Variants in OR10Z1 observed in about 807,000 individuals in gnomAD.
The protein encoded by OR10Z1 is olfactory receptor family 10 subfamily Z member 1, also known as olfactory receptor 10Z1.
For synonymous variants in OR10Z1, 187 were observed against 151.2 expected, an observed-to-expected ratio of 1.24 and a Z score of -1.74; for missense variants, 468 against 371.0, an observed-to-expected ratio of 1.26 and a Z score of -2.15.
In OR10Z1 at chr1:158,607,751, C is replaced by T. The variant is rs1303721548; in HGVS notation, c.*371C>T. On this transcript the variant is annotated 3_prime_UTR_variant, in exon 2 of 2. Coordinates refer to ENST00000641002, the MANE Select transcript of OR10Z1 (RefSeq NM_001004478.2). ...GTGTTCAAGTTCAAGGCAGGGCTGG[C>T]TGGAGCCCATCAGGGATACTGTAGA... The T allele has an allele frequency of 5.5e-6, 1 of 180,712 alleles. No homozygotes were observed. Among genetic ancestry groups the T allele is most frequent in the African/African-American group, 2.4e-5 (1 of 42,208 alleles). The allele number at this position is 180,712 out of a possible 1,614,324, so 11.2% of individuals were successfully genotyped here.
In OR10Z1 at chr1:158,606,919, CTAGT is replaced by C; in HGVS notation, c.484_487del (p.Val162PhefsTer23). 1 of 1,614,014 alleles carries C rather than the reference CTAGT, an allele frequency of 6.2e-7. No individual in the cohort carries two copies. Among genetic ancestry groups the C allele is most frequent in the South Asian group, 1.1e-5 (1 of 91,074 alleles). ...ATACCTCTTTGGACTGGGAATGACA[CTAGT>C]TATTTTCCACCTCTCATTCTGCAGC... On this transcript the variant is annotated frameshift_variant, in exon 2 of 2. Coordinates refer to ENST00000641002, the MANE Select transcript of OR10Z1 (RefSeq NM_001004478.2). LOFTEE classifies it low-confidence loss of function (END_TRUNC).
In OR10Z1 at chr1:158,606,811, G is replaced by T. The variant is rs1290728120; in HGVS notation, c.373G>T (p.Ala125Ser). The change falls in exon 2 of 2, where the codon GCC (alanine) becomes TCC (serine). Residue 125 changes from alanine (A) to serine (S), a missense_variant. Ala to Ser is a moderately conservative substitution (Grantham distance 99). Coordinates refer to ENST00000641002, the MANE Select transcript of OR10Z1 (RefSeq NM_001004478.2). ...TGCCATGGGCTTTGACAGATATGTG[G>T]CCATCTGTGCTCCACTCCACTATGC... is the stretch of plus-strand genomic sequence containing the variant. ...LAAMGFDRYV[A>S]ICAPLHYASH... The T allele has an allele frequency of 6.2e-7, 1 of 1,613,938 alleles. No individual in the cohort carries two copies. Among genetic ancestry groups the T allele is most frequent in the Non-Finnish European group, 8.5e-7 (1 of 1,179,956 alleles).
At position 158,612,367 on chromosome 1, in the gene OR10Z1, T is replaced by C. The variant is rs1196833098; in HGVS notation, c.*4987T>C. The C allele has an allele frequency of 4.5e-6, 1 of 222,572 alleles. No individual in the cohort carries two copies. Among genetic ancestry groups the C allele is most frequent in the Non-Finnish European group, 9.0e-6 (1 of 111,286 alleles). 13.8% of individuals were successfully genotyped at this position (222,572 alleles called of 1,614,324 possible). ...AATCAGAGAGAAGAGAGATTACTTC[T>C]GGTTGTAATAAAATTCCCCACATCT... On this transcript the variant is annotated 3_prime_UTR_variant, in exon 2 of 2. Transcript: ENST00000641002.
Position 158,611,166 on chromosome 1 carries a change from C to CACACACAA in OR10Z1, c.*3786_*3787insACACACAA, listed in dbSNP as rs1553221961. 7.2e-7 allele frequency: 1 copy of CACACACAA among 1,387,716 alleles called. No individual in the cohort carries two copies. Among genetic ancestry groups the CACACACAA allele is most frequent in the Non-Finnish European group, 1.0e-6 (1 of 989,754 alleles). The allele number at this position is 1,387,716 out of a possible 1,614,324, so 86.0% of individuals were successfully genotyped here. On this transcript the variant is annotated 3_prime_UTR_variant, in exon 2 of 2. Transcript: ENST00000641002. ...ACACACACACACACACACACACACA[C>CACACACAA]GAGGCCATCTTTATCTTCCACATTT...
Position 158,607,064 on chromosome 1 carries a change from TCTC to T in OR10Z1, c.629_631del (p.Ser210del). 3 of 1,614,030 alleles carry T rather than the reference TCTC, an allele frequency of 1.9e-6. No individual in the cohort carries two copies. Among genetic ancestry groups the T allele is most frequent in the Non-Finnish European group, 2.5e-6 (3 of 1,179,966 alleles). ...ATCCTCAGTCTTTTGGTCCTCTTGG[TCTC>T]CTTCTTCTTCATCACCATCTCCTAC... On this transcript the variant is annotated inframe_deletion, in exon 2 of 2. Coordinates refer to ENST00000641002, the MANE Select transcript of OR10Z1 (RefSeq NM_001004478.2).
At chr1:158,606,235 C>T (rs1190851943) in intron 1 of OR10Z1, 91 bp from the exon 2 acceptor site, 1 of 581,950 alleles carries the variant, frequency 1.7e-6, no homozygotes, top group Non-Finnish European at 3.1e-6. Context: ...TACATACAGT[C>T]ATATGGGAAT....
chr1:158,606,160 A>G (rs1483746334), intron 1 of OR10Z1, among the ~76,000 whole-genome samples, 166 bp from the exon 2 acceptor site: 1 of 152,210 alleles, frequency 6.6e-6, no homozygotes, highest in Non-Finnish European at 1.5e-5. Flanking sequence ...GTAGTCATAC[A>G]TATGTTTGTG....
chr1:158,611,543 T>A lies in OR10Z1; in HGVS notation c.*4163T>A. 1.3e-6 allele frequency: 1 copy of A among 755,526 alleles called. No homozygotes were observed. The highest frequency in any genetic ancestry group is 2.0e-5 in the South Asian group (1 of 50,476). 46.8% of individuals were successfully genotyped at this position (755,526 alleles called of 1,614,324 possible). On this transcript the variant is annotated 3_prime_UTR_variant, in exon 2 of 2. Coordinates refer to ENST00000641002, the MANE Select transcript of OR10Z1 (RefSeq NM_001004478.2). The stretch of plus-strand genomic sequence containing the variant: ...TACACACAATTTTTATCTCATAAAT[T>A]TATAATTTCTAATGAGTAACTTAAC...
rs1195321892 is a variant in OR10Z1, at chr1:158,606,540, G to A, written c.102G>A (p.Leu34=). ...TTCTCTTTGCCTTGTTCCTCTCTCTGTATCTAGTCACTCTGACCAGCAATG... is the reference window on the plus strand; with the variant it reads ...TTCTCTTTGCCTTGTTCCTCTCTCTATATCTAGTCACTCTGACCAGCAATG... The part of the protein sequence containing the change: ...QLLLFALFLS[L]YLVTLTSNVF... Residue 34 remains leucine (L), a synonymous_variant, in exon 2 of 2, where the codon CTG becomes CTA. Transcript: ENST00000641002. The A allele has an allele frequency of 6.2e-7, 1 of 1,613,818 alleles. No homozygotes were observed. The highest frequency in any genetic ancestry group is 1.1e-5 in the South Asian group (1 of 91,076).
rs12083184 is a variant in OR10Z1, at chr1:158,609,130, G to T, written c.*1750G>T. The T allele has an allele frequency of 2.6e-5, 4 of 152,078 alleles. No homozygotes were observed. 9.4% of individuals were successfully genotyped at this position (152,078 alleles called of 1,614,324 possible). A position where few individuals can be genotyped will look rare whatever the true frequency, so the allele number is the denominator to read the frequency against. On this transcript the variant is annotated 3_prime_UTR_variant, in exon 2 of 2. Coordinates refer to ENST00000641002, the MANE Select transcript of OR10Z1 (RefSeq NM_001004478.2). ...AGATTTTGAGAAGGTAGAATTCACA[G>T]GATTTGGCAGTGAGATAGAAGTGGG...
chr1:158,606,424 G>C lies in OR10Z1; in HGVS notation c.-15G>C. ...GGAAGAAATCAACAAATCTATCAGG[G>C]ATATACCTCTCAGAATGGGGCAGAC... On this transcript the variant is annotated 5_prime_UTR_variant, in exon 2 of 2. Coordinates refer to ENST00000641002, the MANE Select transcript of OR10Z1 (RefSeq NM_001004478.2). The C allele has an allele frequency of 6.4e-7, 1 of 1,554,364 alleles. No homozygotes were observed. The highest frequency in any genetic ancestry group is 8.9e-7 in the Non-Finnish European group (1 of 1,129,242).
chr1:158,611,144 CA>C lies in OR10Z1; in HGVS notation c.*3765del. ...ACACAAACACAAGCACACACACACACACACACACACACACACACACACGAGG... is the reference window on the plus strand; with the variant it reads ...ACACAAACACAAGCACACACACACACCACACACACACACACACACACGAGG... On this transcript the variant is annotated 3_prime_UTR_variant, in exon 2 of 2. Coordinates refer to ENST00000641002, the MANE Select transcript of OR10Z1 (RefSeq NM_001004478.2). The C allele has an allele frequency of 8.4e-7, 1 of 1,185,158 alleles. No homozygotes were observed. The highest frequency in any genetic ancestry group is 1.2e-6 in the Non-Finnish European group (1 of 806,968). The allele number at this position is 1,185,158 out of a possible 1,614,324, so 73.4% of individuals were successfully genotyped here.
rs780951794 is a variant in OR10Z1 at position 158,606,697 on chromosome 1, G to C, written c.259G>C (p.Gly87Arg). The C allele has an allele frequency of 9.9e-6, 16 of 1,613,580 alleles. No homozygotes were observed. The African/African-American group carries it at 1.3e-4, about 13-fold the overall frequency. Reference sequence around the variant, plus strand: ...CCCTAGAATGCTCTCTGGCCTGGCTGGGGGGGACCAGGCTATCTCCTATGT... The same window carrying C: ...CCCTAGAATGCTCTCTGGCCTGGCTCGGGGGGACCAGGCTATCTCCTATGT... ...IIPRMLSGLA[G>R]GDQAISYVGC... The change falls in exon 2 of 2, where the codon GGG becomes CGG. Residue 87 changes from glycine to arginine, a missense_variant. By Grantham distance (125) the Gly-to-Arg change is moderately radical. Transcript: ENST00000641002.
rs757210278 is a variant in OR10Z1, at chr1:158,611,400, T to C, written c.*4020T>C. On this transcript the variant is annotated 3_prime_UTR_variant, in exon 2 of 2. Coordinates refer to ENST00000641002, the MANE Select transcript of OR10Z1 (RefSeq NM_001004478.2). ...CTCTGGGGTAAGGGCCTGAAAAGTA[T>C]AAAAAGAGAAAAATACAGTTATAGG... is the stretch of plus-strand genomic sequence containing the variant. 2 of 1,613,216 alleles carry C rather than the reference T, an allele frequency of 1.2e-6. No homozygotes were observed. The highest frequency in any genetic ancestry group is 2.2e-5 in the East Asian group (1 of 44,856).
In OR10Z1 at chr1:158,610,976, A is replaced by G; in HGVS notation, c.*3596A>G. ...AAGCAAAATGATAAAGACGTGCAAA[A>G]CAGAACAAATAAAAATAGAAACTTT... On this transcript the variant is annotated 3_prime_UTR_variant, in exon 2 of 2. Coordinates refer to ENST00000641002, the MANE Select transcript of OR10Z1 (RefSeq NM_001004478.2). 2.9e-6 allele frequency: 1 copy of G among 346,016 alleles called. No homozygotes were observed. Among genetic ancestry groups the G allele is most frequent in the Non-Finnish European group, 5.5e-6 (1 of 183,034 alleles). The allele number at this position is 346,016 out of a possible 1,614,324, so 21.4% of individuals were successfully genotyped here.
rs1295009776 is a variant in OR10Z1 at position 158,606,322 on chromosome 1, T to A, written c.-113-4T>A. 5.9e-6 allele frequency: 4 copies of A among 676,070 alleles called. No individual in the cohort carries two copies. The highest frequency in any genetic ancestry group is 1.0e-5 in the Non-Finnish European group (4 of 390,994). The allele number at this position is 676,070 out of a possible 1,614,324, so 41.9% of individuals were successfully genotyped here. On this transcript the variant is annotated splice_polypyrimidine_tract_variant and splice_region_variant and intron_variant, in intron 1 of 1. Coordinates refer to ENST00000641002, the MANE Select transcript of OR10Z1 (RefSeq NM_001004478.2). ...AGAGTCTAAATCAGAGCTGCCTTTT[T>A]AAGTTGCAACAGGAACAAGAGAAAA...
Position 158,606,799 on chromosome 1 carries a change from G to A in OR10Z1, c.361G>A (p.Asp121Asn). The A allele has an allele frequency of 1.2e-6, 2 of 1,614,000 alleles. No individual in the cohort carries two copies. Among genetic ancestry groups the A allele is most frequent in the Non-Finnish European group, 8.5e-7 (1 of 1,179,974 alleles). ...CTTCCTTCTGGCTGCCATGGGCTTTGACAGATATGTGGCCATCTGTGCTCC... is the reference window on the plus strand; with the variant it reads ...CTTCCTTCTGGCTGCCATGGGCTTTAACAGATATGTGGCCATCTGTGCTCC... ...NCFLLAAMGF[D>N]RYVAICAPLH... is the part of the protein sequence containing the mutation. The change falls in exon 2 of 2, where the codon GAC becomes AAC. Residue 121 changes from aspartate to asparagine, a missense_variant. Asp to Asn is a conservative substitution (Grantham distance 23). Transcript: ENST00000641002.
Position 158,611,137 on chromosome 1 carries a change from A to G in OR10Z1, c.*3757A>G, listed in dbSNP as rs980549621. On this transcript the variant is annotated 3_prime_UTR_variant, in exon 2 of 2. Coordinates refer to ENST00000641002, the MANE Select transcript of OR10Z1 (RefSeq NM_001004478.2). Reference sequence around the variant, plus strand: ...AATATGCACACAAACACAAGCACACACACACACACACACACACACACACAC... The same window carrying G: ...AATATGCACACAAACACAAGCACACGCACACACACACACACACACACACAC... 88 of 870,788 alleles carry G rather than the reference A, an allele frequency of 1.0e-4. 1 individual carries two copies. The South Asian group carries it at 1.2e-3, about 12-fold the overall frequency. 53.9% of individuals were successfully genotyped at this position (870,788 alleles called of 1,614,324 possible). A position where few individuals can be genotyped will look rare whatever the true frequency, so the allele number is the denominator to read the frequency against.
In OR10Z1 at chr1:158,610,410, A is replaced by C. The variant is rs1163287749; in HGVS notation, c.*3030A>C. 1 of 152,210 alleles carries C rather than the reference A, an allele frequency of 6.6e-6. No individual in the cohort carries two copies. The highest frequency in any genetic ancestry group is 1.5e-5 in the Non-Finnish European group (1 of 68,030). 9.4% of individuals were successfully genotyped at this position (152,210 alleles called of 1,614,324 possible). ...CCTGTTCAGAATAAACCTGGCCTGA[A>C]AATTTTTGAAGATAGCATCACCTCT... On this transcript the variant is annotated 3_prime_UTR_variant, in exon 2 of 2. Coordinates refer to ENST00000641002, the MANE Select transcript of OR10Z1 (RefSeq NM_001004478.2).
Sources: gnomAD v4.1 joint callset for allele counts (sites outside exome capture counted in the v4.1 genomes callset) on GRCh38, gnomAD v4.1.1 for gene constraint, MANE v1.5 for transcripts, NCBI Gene and HGNC (gene_info 2026-07-23, HGNC 2026-07-21) for gene names.